The following LYPD6B variants were observed in gnomAD, a reference collection of about 807,000 sequenced individuals.
The protein encoded by LYPD6B is LY6/PLAUR domain containing 6B, also known as ly6/PLAUR domain-containing protein 6B.
LYPD6B carries 17 observed loss-of-function variants against 22.8 expected under a neutral mutation model. The ratio of observed to expected loss-of-function variants is 0.75; its 90% CI spans 0.51 to 1.12. The LOEUF is 1.12. Ranked by LOEUF, LYPD6B falls within the 50% of genes most tolerant of loss-of-function variation. The pLI is 0.00. For synonymous variants in LYPD6B, 106 were observed against 91.6 expected, an observed-to-expected ratio of 1.16 and a Z score of -0.90; for missense variants, 221 against 258.3, an observed-to-expected ratio of 0.86 and a Z score of 0.99.
rs67113716 is a variant in LYPD6B at position 149,173,349 on chromosome 2, C to CTTTTTTTTTTTTTT, written c.77+12521_77+12534dup. ...AGCTTGATGCTTTAGTCTGTCAGGC[C>CTTTTTTTTTTTTTT]TTTTTTTTTTTTTTTTTTTTGCATC... On this transcript the variant is annotated intron_variant, in intron 3 of 6. Coordinates refer to ENST00000409642, the MANE Select transcript of LYPD6B (RefSeq NM_177964.5). Among the ~76,000 whole-genome samples, 5 of 58,488 alleles carry CTTTTTTTTTTTTTT rather than the reference C, an allele frequency of 8.5e-5. 1 individual carries two copies. Among genetic ancestry groups the CTTTTTTTTTTTTTT allele is most frequent in the African/African-American group, 1.6e-4 (2 of 12,670 alleles). 38.4% of individuals were successfully genotyped at this position (58,488 alleles called of 152,430 possible).
chr2:149,155,033 T>A (rs888819528), intron 2 of LYPD6B, among the ~76,000 whole-genome samples: 1 of 152,164 alleles, frequency 6.6e-6, no homozygotes, highest in African/African-American at 2.4e-5. Context: ...TTTTAAAAAA[T>A]TTACCATCGA....
At chr2:149,154,812 G>A (rs577276921) in intron 2 of LYPD6B, among the ~76,000 whole-genome samples, 2 of 152,158 alleles carry the variant, frequency 1.3e-5, no homozygotes, top group African/African-American at 2.4e-5. Context: ...CATTCACTGA[G>A]TTTCTATTTT....
At chr2:149,097,893 A>G (rs1685979694) in intron 1 of LYPD6B, among the ~76,000 whole-genome samples, 1 of 152,166 alleles carries the variant, frequency 6.6e-6, no homozygotes, top group African/African-American at 2.4e-5. Flanking sequence ...TTGTCATTCC[A>G]TCATGTACTC....
At chr2:149,130,365 C>A (rs1373231572) in intron 1 of LYPD6B, among the ~76,000 whole-genome samples, 1 of 152,132 alleles carries the variant, frequency 6.6e-6, no homozygotes, top group East Asian at 1.9e-4. Context: ...TGGCTTGGGT[C>A]CTATAGCCAT....
intron 3 of LYPD6B, among the ~76,000 whole-genome samples, chr2:149,195,369 G>A (rs1289910612): frequency 6.6e-6 from 1 of 152,194 alleles, no homozygotes; most frequent in Non-Finnish European, 1.5e-5. Flanking sequence ...AGAATGGGAA[G>A]TATGACACAC....
At chr2:149,150,338 T>A (rs917589659) in intron 2 of LYPD6B, among the ~76,000 whole-genome samples, 2 of 152,220 alleles carry the variant, frequency 1.3e-5, no homozygotes, top group Admixed American at 6.5e-5. Context: ...GTTTTGCTGG[T>A]GCACACCCTC....
At chr2:149,152,742 T>G (rs943234892) in intron 2 of LYPD6B, among the ~76,000 whole-genome samples, 2 of 152,226 alleles carry the variant, frequency 1.3e-5, no homozygotes, top group African/African-American at 4.8e-5. Flanking sequence ...TGGATTATAA[T>G]GAAGCTAGAG....
At chr2:149,089,198 G>A (rs1160470074) in intron 1 of LYPD6B, among the ~76,000 whole-genome samples, 2 of 152,220 alleles carry the variant, frequency 1.3e-5, no homozygotes, top group African/African-American at 4.8e-5. Context: ...ATGAAAGAGT[G>A]TTTCAAACAT....
intron 1 of LYPD6B, among the ~76,000 whole-genome samples, chr2:149,043,739 T>C (rs1277667206): frequency 6.6e-6 from 1 of 152,148 alleles, no homozygotes; most frequent in African/African-American, 2.4e-5. Context: ...TCTATTTTCT[T>C]CTAGAAGTTT....
chr2:149,047,164 T>C (rs552062432), intron 1 of LYPD6B, among the ~76,000 whole-genome samples: 2 of 152,340 alleles, frequency 1.3e-5, no homozygotes, highest in African/African-American at 4.8e-5. Context: ...TTGTTTTCTT[T>C]GTGTAGATCC....
In LYPD6B at chr2:149,146,580, A is replaced by G. The variant is rs188706023; in HGVS notation, c.6-14184A>G. ...TGGGAGCCTTTGGATGCATTTATGT[A>G]GATAAGTATTATAATCAGGTTAGGG... is the stretch of plus-strand genomic sequence containing the variant. On this transcript the variant is annotated intron_variant, in intron 2 of 6. Coordinates refer to ENST00000409642, the MANE Select transcript of LYPD6B (RefSeq NM_177964.5). Among the ~76,000 whole-genome samples the G allele has an allele frequency of 3.9e-4, 60 of 152,316 alleles. 1 individual carries two copies. The highest frequency in any genetic ancestry group is 2.5e-4 in the Non-Finnish European group (17 of 68,028).
At chr2:149,128,076 A>G (rs1310018817) in intron 1 of LYPD6B, among the ~76,000 whole-genome samples, 2 of 152,212 alleles carry the variant, frequency 1.3e-5, no homozygotes, top group Admixed American at 6.5e-5. Context: ...GCTAACATAT[A>G]TCATTTACAT....
chr2:149,166,519 C>T (rs1488732476), intron 3 of LYPD6B, among the ~76,000 whole-genome samples: 2 of 152,080 alleles, frequency 1.3e-5, no homozygotes, highest in African/African-American at 2.4e-5. Context: ...GGTCATATCT[C>T]ACTCTCCATT....
intron 2 of LYPD6B, among the ~76,000 whole-genome samples, chr2:149,157,315 G>C (rs1575081763): frequency 9.2e-6 from 1 of 109,222 alleles, no homozygotes; most frequent in South Asian, 4.4e-4. Flanking sequence ...TGCTCTAGAA[G>C]TCAGTCTAAA....
rs144656477 is a variant in LYPD6B at position 149,054,716 on chromosome 2, A to C, written c.-67+15915A>C. Among the ~76,000 whole-genome samples the C allele has an allele frequency of 3.3e-5, 5 of 152,236 alleles. No homozygotes were observed. The East Asian group carries it at 9.7e-4, about 29-fold the overall frequency. ...TGCAGCAGATTCTGTCTCTACAAAA[A>C]AGAAAAAATAAAATTAGCTGGGCAT... On this transcript the variant is annotated intron_variant, in intron 1 of 6. Coordinates refer to ENST00000409642, the MANE Select transcript of LYPD6B (RefSeq NM_177964.5).
chr2:149,063,308 C>T (rs1177426139), intron 1 of LYPD6B, among the ~76,000 whole-genome samples: 1 of 151,930 alleles, frequency 6.6e-6, no homozygotes, highest in African/African-American at 2.4e-5. Flanking sequence ...ACATTGCCAC[C>T]CAAGAAGTAG....
chr2:149,112,005 A>G (rs1686780543), intron 1 of LYPD6B, among the ~76,000 whole-genome samples: 1 of 152,222 alleles, frequency 6.6e-6, no homozygotes. Flanking sequence ...GGGATTTGAC[A>G]ATGTGGAAGA....
At chr2:149,201,965 A>G (rs1693188713) in intron 3 of LYPD6B, among the ~76,000 whole-genome samples, 4 of 152,166 alleles carry the variant, frequency 2.6e-5, no homozygotes. Context: ...TTGTACAATG[A>G]TAATGGCACT....
chr2:149,170,808 A>G (rs1328219816), intron 3 of LYPD6B, among the ~76,000 whole-genome samples: 1 of 152,212 alleles, frequency 6.6e-6, no homozygotes, highest in Non-Finnish European at 1.5e-5. Context: ...TAAAACCAAC[A>G]GTCACTATTC....
Sources: allele counts gnomAD v4.1 joint callset (sites outside exome capture counted in the v4.1 genomes callset), GRCh38; gene constraint gnomAD v4.1.1; transcripts MANE v1.5; gene names NCBI Gene and HGNC (gene_info 2026-07-23, HGNC 2026-07-21).